Variants in CDH18 observed in about 807,000 individuals in gnomAD.
CDH18 encodes the protein cadherin-18.
CDH18 carries 31 observed loss-of-function variants against 67.9 expected under a neutral mutation model. That is an observed-to-expected ratio of 0.46 (90% CI 0.34 to 0.62). The LOEUF (loss-of-function observed/expected upper bound fraction) is 0.62. CDH18 is among the 20% of genes least tolerant of loss of function. The pLI, the probability that CDH18 is intolerant of heterozygous loss-of-function variation, is 0.01. For synonymous variants in CDH18, 362 were observed against 347.2 expected (o/e 1.04, Z -0.48); for missense variants, 890 against 975.5 (o/e 0.91, Z 1.17).
intron 2 of CDH18, among the ~76,000 whole-genome samples, chr5:19,965,304 G>T (rs1384359830): frequency 6.6e-6 from 1 of 152,118 alleles, no homozygotes; most frequent in East Asian, 1.9e-4. Context: ...GTATACAAGT[G>T]AATAAATGTA....
At position 20,483,653 on chromosome 5, in the gene CDH18, C is replaced by CAA. The variant is rs61319784; in HGVS notation, c.-580+91807_-580+91808dup. Among the ~76,000 whole-genome samples the CAA allele has an allele frequency of 7.1e-4, 92 of 128,954 alleles. 1 individual carries two copies. The highest frequency in any genetic ancestry group is 1.7e-3 in the Admixed American group (21 of 12,604). 84.6% of individuals were successfully genotyped at this position (128,954 alleles called of 152,430 possible). ...GTGAACTGATTTTCAAGAAAGTTGC[C>CAA]AAAAAAAAAAAACATACATTGGGAA... On this transcript the variant is annotated intron_variant, in intron 1 of 14. Transcript: ENST00000507958.
rs181245569 is a variant in CDH18, at chr5:19,890,634, G to A, written c.-256-51392C>T. Among the ~76,000 whole-genome samples, 29 of 145,750 alleles carry A rather than the reference G, an allele frequency of 2.0e-4. No homozygotes were observed. The East Asian group carries it at 3.6e-3, about 18-fold the overall frequency. On this transcript the variant is annotated intron_variant, in intron 2 of 12. Coordinates refer to ENST00000382275, the MANE Select transcript of CDH18 (RefSeq NM_004934.5). ...TTTTGAGACAAAGTCTTGCTCTGTC[G>A]CCCAGGCAGGAGTGCAGTGGCATAA...
In CDH18 at chr5:19,576,269, T is replaced by C. The variant is rs578193846; in HGVS notation, c.1000-4437A>G. Among the ~76,000 whole-genome samples the C allele has an allele frequency of 2.0e-4, 30 of 152,236 alleles. No homozygotes were observed. In the Middle Eastern group the frequency reaches 0.01, roughly 52 times the overall value. ...GTGGGAATGATCAAACTAAAGAGCT[T>C]CTTCATAGCAAAGAAATCAAGTAAT... On this transcript the variant is annotated intron_variant, in intron 7 of 12. Coordinates refer to ENST00000382275, the MANE Select transcript of CDH18 (RefSeq NM_004934.5).
intron 1 of CDH18, among the ~76,000 whole-genome samples, chr5:20,433,039 T>A (rs1226100352): frequency 6.7e-6 from 1 of 149,964 alleles, no homozygotes; most frequent in Non-Finnish European, 1.5e-5. Flanking sequence ...ACATAATATT[T>A]AGGCATTGTA....
chr5:20,555,004 C>T (rs937280380), intron 1 of CDH18, among the ~76,000 whole-genome samples: 17 of 152,152 alleles, frequency 1.1e-4, no homozygotes, highest in Admixed American at 5.2e-4. Context: ...ATGGTCTGAA[C>T]GTTAGTGCCT....
chr5:20,474,941 G>C (rs1752334675), intron 1 of CDH18, among the ~76,000 whole-genome samples: 1 of 151,788 alleles, frequency 6.6e-6, no homozygotes, highest in Non-Finnish European at 1.5e-5. Flanking sequence ...TTTTACAGCA[G>C]AACCACATTA....
chr5:20,246,926 A>G (rs1743423528), intron 2 of CDH18, among the ~76,000 whole-genome samples: 1 of 152,200 alleles, frequency 6.6e-6, no homozygotes, highest in African/African-American at 2.4e-5. Context: ...TGATTTTCAA[A>G]ATCAAGGCAA....
intron 8 of CDH18, among the ~76,000 whole-genome samples, chr5:19,557,222 C>T (rs957738447): frequency 1.3e-5 from 2 of 151,784 alleles, no homozygotes; most frequent in Non-Finnish European, 2.9e-5. Flanking sequence ...AAAACAACAA[C>T]ACAATGAAAT....
chr5:20,316,181 T>A (rs1382762623), intron 1 of CDH18, among the ~76,000 whole-genome samples: 1 of 152,116 alleles, frequency 6.6e-6, no homozygotes, highest in Non-Finnish European at 1.5e-5. Context: ...TAATGATAAC[T>A]TTTTATTCAT....
chr5:19,692,653 G>A (rs911107120), intron 5 of CDH18, among the ~76,000 whole-genome samples: 2 of 151,582 alleles, frequency 1.3e-5, no homozygotes, highest in Admixed American at 6.6e-5. Context: ...TAATCATCAG[G>A]GAAATACAAA....
chr5:19,566,528 G>A (rs911023531), intron 8 of CDH18, among the ~76,000 whole-genome samples: 2 of 152,176 alleles, frequency 1.3e-5, no homozygotes, highest in African/African-American at 2.4e-5. Flanking sequence ...CACGTCTTGC[G>A]TGGGGGCAGA....
chr5:20,570,920 GA>G (rs1286123814), intron 1 of CDH18, among the ~76,000 whole-genome samples: 1 of 152,130 alleles, frequency 6.6e-6, no homozygotes, highest in Admixed American at 6.5e-5. Context: ...ATTTTGTAGA[GA>G]AAACAATTCG....
At chr5:19,736,679 G>T (rs887748089) in intron 4 of CDH18, among the ~76,000 whole-genome samples, 1 of 151,986 alleles carries the variant, frequency 6.6e-6, no homozygotes, top group Admixed American at 6.6e-5. Flanking sequence ...TATCACATTT[G>T]GTTCTATGTG....
intron 1 of CDH18, among the ~76,000 whole-genome samples, chr5:20,330,781 A>G (rs929751407): frequency 6.6e-6 from 1 of 152,152 alleles, no homozygotes; most frequent in East Asian, 1.9e-4. Flanking sequence ...CCCCAAGTCA[A>G]AGGTCAAGCC....
intron 4 of CDH18, among the ~76,000 whole-genome samples, chr5:19,730,445 T>C (rs1767437213): frequency 6.6e-6 from 1 of 152,212 alleles, no homozygotes; most frequent in Admixed American, 6.5e-5. Context: ...CTCTTATGCT[T>C]GGGACCAACA....
At chr5:20,337,007 C>T (rs999990967) in intron 1 of CDH18, among the ~76,000 whole-genome samples, 2 of 152,174 alleles carry the variant, frequency 1.3e-5, no homozygotes, top group Non-Finnish European at 2.9e-5. Context: ...ATTTACCCCT[C>T]CCATTTGGGC....
intron 1 of CDH18, among the ~76,000 whole-genome samples, chr5:20,288,184 T>C (rs929404932): frequency 2.6e-5 from 4 of 151,756 alleles, no homozygotes; most frequent in Admixed American, 1.3e-4. Flanking sequence ...AATTAACTGT[T>C]ACCAATTCAG....
chr5:20,405,467 C>A (rs898075064), intron 1 of CDH18, among the ~76,000 whole-genome samples: 1 of 152,094 alleles, frequency 6.6e-6, no homozygotes, highest in African/African-American at 2.4e-5. Context: ...AATGTTAGAC[C>A]TAAAACCATA....
At chr5:20,267,989 C>T (rs1472333318) in intron 1 of CDH18, among the ~76,000 whole-genome samples, 4 of 152,138 alleles carry the variant, frequency 2.6e-5, no homozygotes, top group Non-Finnish European at 5.9e-5. Flanking sequence ...GTTTATCTTT[C>T]CCATCTTGAT....
Sources: gnomAD v4.1 joint callset for allele counts (sites outside exome capture counted in the v4.1 genomes callset) on GRCh38, gnomAD v4.1.1 for gene constraint, MANE v1.5 for transcripts, NCBI Gene and HGNC (gene_info 2026-07-23, HGNC 2026-07-21) for gene names.